The following CALN1 variants were observed in gnomAD, a reference collection of about 807,000 sequenced individuals.
The protein encoded by CALN1 is calneuron 1.
A neutral mutation model predicts 30.6 loss-of-function variants in CALN1; 17 were observed. The observed-to-expected ratio is 0.56, with a 90% CI of 0.38 to 0.83. The LOEUF (loss-of-function observed/expected upper bound fraction) is 0.83. Ranked by LOEUF, CALN1 falls within the 40% of genes least tolerant of loss-of-function variation. The pLI is 0.00. For synonymous variants in CALN1, 156 were observed against 131.4 expected, an observed-to-expected ratio of 1.19 and a Z score of -1.28; for missense variants, 291 against 354.9, an observed-to-expected ratio of 0.82 and a Z score of 1.45.
intron 5 of CALN1, among the ~76,000 whole-genome samples, chr7:71,812,902 T>C (rs1036066842): frequency 5.4e-5 from 8 of 148,508 alleles, no homozygotes; most frequent in Non-Finnish European, 1.2e-4. Context: ...CACCACCATG[T>C]CCAGCTATTT....
the CALN1 span, among the ~76,000 whole-genome samples, chr7:72,478,261 ATT>A: frequency 6.8e-6 from 1 of 147,788 alleles, no homozygotes; most frequent in Admixed American, 6.8e-5. Flanking sequence ...TATTATATAT[ATT>A]GCCACTGCAA....
chr7:72,169,830 A>G (rs1788810954), intron 3 of CALN1, among the ~76,000 whole-genome samples: 1 of 151,462 alleles, frequency 6.6e-6, no homozygotes, highest in Non-Finnish European at 1.5e-5. Flanking sequence ...AGCTAGGATT[A>G]CAGGTGCCCA....
chr7:72,022,071 T>C (rs1416481026), intron 5 of CALN1, among the ~76,000 whole-genome samples: 2 of 152,212 alleles, frequency 1.3e-5, no homozygotes. Flanking sequence ...CAACCCCTTT[T>C]CAAACTCTCA....
At chr7:71,964,010 T>C (rs1398239483) in intron 5 of CALN1, among the ~76,000 whole-genome samples, 3 of 152,234 alleles carry the variant, frequency 2.0e-5, no homozygotes, top group Non-Finnish European at 4.4e-5. Flanking sequence ...AACATAAATG[T>C]TTCCTGCTAT....
chr7:72,278,472 TACACACACACACACACACACACACACAC>T (rs59010102), intron 3 of CALN1, among the ~76,000 whole-genome samples, 186 bp downstream of exon 3: 1 of 143,982 alleles, frequency 6.9e-6, no homozygotes, highest in Non-Finnish European at 1.5e-5. Flanking sequence ...ATCAGGTCTG[TACACACACACACACACACACACACACAC>T]ACACACACAC....
intron 2 of CALN1, among the ~76,000 whole-genome samples, chr7:72,294,126 A>G (rs1798681057): frequency 6.6e-6 from 1 of 152,120 alleles, no homozygotes. Context: ...TTCCTTCAGA[A>G]TAATAATGGC....
intron 5 of CALN1, among the ~76,000 whole-genome samples, chr7:71,959,995 G>A (rs548614117): frequency 4.3e-4 from 66 of 151,868 alleles, no homozygotes; most frequent in African/African-American, 1.4e-3. Context: ...TTAGCTGGGC[G>A]TGGTGGCGGG....
chr7:72,016,031 C>T (rs889599361), intron 5 of CALN1, among the ~76,000 whole-genome samples: 1 of 152,044 alleles, frequency 6.6e-6, no homozygotes, highest in African/African-American at 2.4e-5. Flanking sequence ...GGCACATCAC[C>T]TGAGGTCAGG....
intron 1 of CALN1, among the ~76,000 whole-genome samples, chr7:72,418,209 C>T (rs1206882130): frequency 2.6e-5 from 4 of 151,526 alleles, no homozygotes; most frequent in Non-Finnish European, 5.9e-5. Flanking sequence ...CAAGTGAGAA[C>T]ATGCAGTATT....
chr7:72,388,123 C>G (rs560779334), intron 2 of CALN1, among the ~76,000 whole-genome samples: 3 of 152,102 alleles, frequency 2.0e-5, no homozygotes, highest in Non-Finnish European at 4.4e-5. Context: ...TTAAAATGTT[C>G]TTCCAACAAA....
intron 3 of CALN1, among the ~76,000 whole-genome samples, chr7:72,212,787 C>G (rs1020780991): frequency 6.6e-6 from 1 of 152,154 alleles, no homozygotes; most frequent in African/African-American, 2.4e-5. Flanking sequence ...GCACTCCAGC[C>G]TGGGCAACAC....
intron 6 of CALN1, among the ~76,000 whole-genome samples, chr7:71,807,072 G>C (rs551655338): frequency 1.3e-5 from 2 of 152,228 alleles, no homozygotes; most frequent in Admixed American, 6.5e-5. Flanking sequence ...AGGATAGGGA[G>C]GAGTTGACAG....
intron 5 of CALN1, among the ~76,000 whole-genome samples, chr7:71,940,534 C>G (rs1381425625): frequency 6.6e-6 from 1 of 152,156 alleles, no homozygotes; most frequent in Non-Finnish European, 1.5e-5. Context: ...GTCTTGTTTA[C>G]TTTCCAATAC....
At chr7:72,170,565 C>T (rs1333185224) in intron 3 of CALN1, among the ~76,000 whole-genome samples, 4 of 152,172 alleles carry the variant, frequency 2.6e-5, no homozygotes, top group Admixed American at 1.3e-4. Context: ...AGTGGCATTG[C>T]CCCACCTTCC....
the CALN1 span, among the ~76,000 whole-genome samples, chr7:72,462,320 G>A: frequency 6.6e-6 from 1 of 152,012 alleles, no homozygotes; most frequent in Non-Finnish European, 1.5e-5. Context: ...TGAATAGCTG[G>A]GACTACAGGT....
intron 2 of CALN1, among the ~76,000 whole-genome samples, chr7:72,354,203 C>G (rs1803095959): frequency 6.6e-6 from 1 of 151,984 alleles, no homozygotes; most frequent in Non-Finnish European, 1.5e-5. Flanking sequence ...AAGTCCCATT[C>G]ACAATAATAT....
At chr7:72,013,374 C>G (rs948368287) in intron 5 of CALN1, among the ~76,000 whole-genome samples, 78 of 151,174 alleles carry the variant, frequency 5.2e-4, no homozygotes, top group African/African-American at 1.8e-3. Flanking sequence ...GCCTCAACCT[C>G]CCCAGTAGTT....
intron 5 of CALN1, among the ~76,000 whole-genome samples, chr7:71,854,766 G>C (rs943169173): frequency 6.6e-5 from 10 of 152,088 alleles, no homozygotes; most frequent in African/African-American, 2.2e-4. Flanking sequence ...TTCACTGTGA[G>C]TGTCTGTCAG....
chr7:72,320,508 C>T (rs1800798901), intron 2 of CALN1, among the ~76,000 whole-genome samples: 1 of 152,100 alleles, frequency 6.6e-6, no homozygotes, highest in Admixed American at 6.6e-5. Flanking sequence ...CAAAGAAGTA[C>T]TCTGCAGACA....
Sources: allele counts gnomAD v4.1 joint callset (sites outside exome capture counted in the v4.1 genomes callset), GRCh38; gene constraint gnomAD v4.1.1; transcripts MANE v1.5; gene names NCBI Gene and HGNC (gene_info 2026-07-23, HGNC 2026-07-21).